The following CEP63 variants were observed in gnomAD, a reference collection of about 807,000 sequenced individuals.
CEP63 encodes centrosomal protein of 63 kDa.
Under a neutral mutation model 89.1 loss-of-function variants are expected in CEP63, and 84 were observed. That is an observed-to-expected ratio of 0.94 (90% CI 0.79 to 1.13). The LOEUF (loss-of-function observed/expected upper bound fraction) is 1.13. Ranked by LOEUF, CEP63 falls within the 50% of genes most tolerant of loss-of-function variation. CEP63 has a pLI of 0.00. For synonymous variants in CEP63, 267 were observed against 272.5 expected, an observed-to-expected ratio of 0.98 and a Z score of 0.20; for missense variants, 838 against 813.3, an observed-to-expected ratio of 1.03 and a Z score of -0.37.
chr3:134,534,730 T>C (rs1419587094), intron 5 of CEP63, among the ~76,000 whole-genome samples: 1 of 152,170 alleles, frequency 6.6e-6, no homozygotes, highest in South Asian at 2.1e-4. Flanking sequence ...GTTCTCACTT[T>C]AAATTCATGG....
chr3:134,519,185 G>A (rs542663634), intron 3 of CEP63, among the ~76,000 whole-genome samples: 22 of 151,988 alleles, frequency 1.4e-4, no homozygotes, highest in African/African-American at 3.4e-4. Flanking sequence ...GTGCAGTTGC[G>A]TGATCTCAGC....
the CEP63 span, among the ~76,000 whole-genome samples, chr3:134,605,208 C>A: frequency 1.3e-5 from 2 of 152,260 alleles, no homozygotes; most frequent in South Asian, 4.2e-4. Flanking sequence ...GTTCTCCAGT[C>A]TTTGTAGCCC....
chr3:134,541,440 T>C (rs1951967968), intron 6 of CEP63, among the ~76,000 whole-genome samples: 1 of 152,088 alleles, frequency 6.6e-6, no homozygotes, highest in Non-Finnish European at 1.5e-5. Context: ...TTACTGACTA[T>C]TACATTTTCA....
the CEP63 span, among the ~76,000 whole-genome samples, chr3:134,669,472 G>A: frequency 1.3e-5 from 2 of 152,170 alleles, no homozygotes; most frequent in Non-Finnish European, 2.9e-5. Flanking sequence ...ATGAGGAGGG[G>A]GGTCTTGGGC....
chr3:134,643,451 G>T, the CEP63 span: 1 of 1,333,510 alleles, frequency 7.5e-7, no homozygotes, highest in Non-Finnish European at 1.1e-6. Flanking sequence ...AGAGCTGTAT[G>T]TGTTTGCGGG....
chr3:134,608,512 C>A, the CEP63 span: 1 of 1,570,266 alleles, frequency 6.4e-7, no homozygotes, highest in Non-Finnish European at 8.6e-7. Context: ...CATGCACACA[C>A]AAGCTTTGTG....
At chr3:134,670,894 T>C in the CEP63 span, among the ~76,000 whole-genome samples, 1 of 152,196 alleles carries the variant, frequency 6.6e-6, no homozygotes, top group Admixed American at 6.5e-5. Flanking sequence ...AACACAAAAC[T>C]GAATGAATTA....
At chr3:134,696,432 G>A in the CEP63 span, among the ~76,000 whole-genome samples, 5 of 152,214 alleles carry the variant, frequency 3.3e-5, no homozygotes, top group Admixed American at 3.3e-4. Context: ...AACAGTGCCT[G>A]TTGTACTTCT....
intron 6 of CEP63, among the ~76,000 whole-genome samples, chr3:134,544,645 G>GGA (rs398106480): frequency 6.9e-6 from 1 of 145,240 alleles, no homozygotes; most frequent in Non-Finnish European, 1.5e-5. Context: ...GTGGGGGGGG[G>GGA]AATTTAAACT....
At chr3:134,545,865 A>G (rs1242601859) in intron 7 of CEP63, 46 bp downstream of exon 7, 1 of 1,373,506 alleles carries the variant, frequency 7.3e-7, no homozygotes, top group South Asian at 1.2e-5. Flanking sequence ...GTGTATGAGT[A>G]TTTTAAGAGA....
intron 2 of CEP63, among the ~76,000 whole-genome samples, chr3:134,505,894 C>T (rs1943320236): frequency 6.6e-6 from 1 of 152,192 alleles, no homozygotes; most frequent in African/African-American, 2.4e-5. Flanking sequence ...TGAGTTGTGC[C>T]TCTGACCATA....
chr3:134,543,976 G>C (rs141895370), intron 6 of CEP63, among the ~76,000 whole-genome samples: 2 of 146,468 alleles, frequency 1.4e-5, no homozygotes, highest in Non-Finnish European at 3.0e-5. Flanking sequence ...AAAAAAAAAG[G>C]CTCTTTGCAC....
chr3:134,526,580 T>G (rs1404664487), intron 3 of CEP63, among the ~76,000 whole-genome samples: 3 of 152,088 alleles, frequency 2.0e-5, no homozygotes, highest in Non-Finnish European at 4.4e-5. Context: ...TTCCTATCCA[T>G]GCTCTGAATT....
the CEP63 span, among the ~76,000 whole-genome samples, chr3:134,598,206 A>G: frequency 6.6e-6 from 1 of 152,300 alleles, no homozygotes; most frequent in Admixed American, 6.5e-5. Context: ...TTCAGGGTGT[A>G]AAACACCCCT....
the CEP63 span, chr3:134,628,110 G>A: frequency 2.4e-6 from 1 of 418,120 alleles, no homozygotes; most frequent in Non-Finnish European, 4.4e-6. Flanking sequence ...TGATTCATTG[G>A]GTCCTCCTGG....
chr3:134,759,239 A>G, the CEP63 span, among the ~76,000 whole-genome samples: 1 of 152,208 alleles, frequency 6.6e-6, no homozygotes, highest in African/African-American at 2.4e-5. Context: ...GCAACAGGAG[A>G]CTAATACAGT....
chr3:134,669,681 C>A, the CEP63 span, among the ~76,000 whole-genome samples: 1 of 152,160 alleles, frequency 6.6e-6, no homozygotes. Context: ...TGACAAAGCT[C>A]TTTAGCTCCA....
At chr3:134,611,046 G>A in the CEP63 span, among the ~76,000 whole-genome samples, 1 of 152,222 alleles carries the variant, frequency 6.6e-6, no homozygotes, top group Non-Finnish European at 1.5e-5. Context: ...TCTGACTGGT[G>A]GGTCTGTCCT....
chr3:134,663,827 T>A, the CEP63 span, among the ~76,000 whole-genome samples: 1 of 152,176 alleles, frequency 6.6e-6, no homozygotes, highest in African/African-American at 2.4e-5. Context: ...ACTGGCCAGC[T>A]CAGCTGTCCT....
Sources: allele counts gnomAD v4.1 joint callset (sites outside exome capture counted in the v4.1 genomes callset), GRCh38; gene constraint gnomAD v4.1.1; transcripts MANE v1.5; gene names NCBI Gene and HGNC (gene_info 2026-07-23, HGNC 2026-07-21).